Variants in FAF1 observed in about 807,000 individuals in gnomAD.
The protein encoded by FAF1 is Fas associated factor 1, also known as FAS-associated factor 1.
Under a neutral mutation model 92.5 loss-of-function variants are expected in FAF1, and 25 were observed. The ratio of observed to expected loss-of-function variants is 0.27; its 90% CI spans 0.20 to 0.38. FAF1 has a LOEUF of 0.38. FAF1 is among the 10% of genes least tolerant of loss of function. FAF1 has a pLI of 1.00. For missense variants in FAF1, 636 were observed against 793.3 expected, an observed-to-expected ratio of 0.80 and a Z score of 2.38; for synonymous variants, 234 against 273.2, an observed-to-expected ratio of 0.86 and a Z score of 1.42.
At chr1:50,913,677 TTA>T (rs1189442818) in intron 1 of FAF1, among the ~76,000 whole-genome samples, 1 of 152,160 alleles carries the variant, frequency 6.6e-6, no homozygotes, top group East Asian at 1.9e-4. Flanking sequence ...TCTGTACACA[TTA>T]TATTGGGGGA....
At chr1:50,510,128 T>A (rs895374699) in intron 15 of FAF1, among the ~76,000 whole-genome samples, 12 of 146,376 alleles carry the variant, frequency 8.2e-5, no homozygotes, top group African/African-American at 3.1e-4. Flanking sequence ...ATGGCACCAC[T>A]GCACTCTAGC....
chr1:50,731,372 C>CTTTTTTTTTTTTTT (rs369508602), intron 6 of FAF1, among the ~76,000 whole-genome samples: 1 of 140,200 alleles, frequency 7.1e-6, no homozygotes, highest in Non-Finnish European at 1.6e-5. Context: ...TATCTTTTCT[C>CTTTTTTTTTTTTTT]TTTTTTTTTT....
chr1:50,673,122 G>A (rs1231531321), intron 7 of FAF1, among the ~76,000 whole-genome samples: 1 of 152,058 alleles, frequency 6.6e-6, no homozygotes, highest in Non-Finnish European at 1.5e-5. Flanking sequence ...GCCAGGTGTT[G>A]TGGTGCATAC....
intron 8 of FAF1, among the ~76,000 whole-genome samples, chr1:50,632,797 T>C (rs1299616222): frequency 3.9e-5 from 6 of 152,170 alleles, no homozygotes; most frequent in African/African-American, 1.4e-4. Context: ...TCTTCCAGAA[T>C]TAAGATTAAT....
At chr1:50,788,272 T>G in intron 3 of FAF1, 67 bp from the exon 4 acceptor site, 1 of 1,344,488 alleles carries the variant, frequency 7.4e-7, no homozygotes, top group Non-Finnish European at 1.1e-6. Flanking sequence ...CTAGGGACCC[T>G]CTCCATACTT....
At chr1:50,606,325 TA>T (rs1472841906) in intron 8 of FAF1, among the ~76,000 whole-genome samples, 4 of 152,116 alleles carry the variant, frequency 2.6e-5, no homozygotes, top group African/African-American at 7.2e-5. Context: ...ATACCAAAGA[TA>T]TCCAAATGAT....
chr1:50,694,180 G>C (rs1022129690), intron 7 of FAF1, among the ~76,000 whole-genome samples: 8 of 151,860 alleles, frequency 5.3e-5, no homozygotes, highest in Admixed American at 2.6e-4. Flanking sequence ...AACATCTCCC[G>C]ATTCAACAGC....
chr1:50,866,902 C>T lies in FAF1; in HGVS notation c.46-8905G>A, dbSNP rs200541012. Among the ~76,000 whole-genome samples the T allele has an allele frequency of 1.4e-4, 21 of 152,078 alleles. No homozygotes were observed. In the East Asian group the frequency reaches 3.9e-3, roughly 28 times the overall value. ...CCAAAATAAGACTAAACAAAAAGAA[C>T]AAATCTGGAGGCATAACATTACCCA... On this transcript the variant is annotated intron_variant, in intron 1 of 18. Coordinates refer to ENST00000396153, the MANE Select transcript of FAF1 (RefSeq NM_007051.3).
In FAF1 at chr1:50,738,364, A is replaced by T. The variant is rs12097419; in HGVS notation, c.551+499T>A. The stretch of plus-strand genomic sequence containing the variant: ...AGGCTGAGGGAGGGGAATCACTTGA[A>T]TCCGGGAGGCAGAGGTTGCGGTGAG... On this transcript the variant is annotated intron_variant, in intron 6 of 18. Transcript: ENST00000396153. 9.9e-3 allele frequency among the ~76,000 whole-genome samples: 1,488 copies of T among 150,902 alleles called. 22 individuals are homozygous for T. The highest frequency in any genetic ancestry group is 0.034 in the African/African-American group (1,411 of 40,958).
chr1:50,683,631 G>A (rs1656521587), intron 7 of FAF1, among the ~76,000 whole-genome samples: 1 of 151,856 alleles, frequency 6.6e-6, no homozygotes, highest in Admixed American at 6.6e-5. Flanking sequence ...TTTTAATATA[G>A]TAATTTTTTA....
At chr1:50,538,467 G>T (rs1393257600) in intron 14 of FAF1, among the ~76,000 whole-genome samples, 1 of 151,160 alleles carries the variant, frequency 6.6e-6, no homozygotes, top group Non-Finnish European at 1.5e-5. Flanking sequence ...TTTGTGTTAT[G>T]GCTTTGATTC....
In FAF1 at chr1:50,576,634, C is replaced by G. The variant is rs1040465086; in HGVS notation, c.1113+5984G>C. On this transcript the variant is annotated intron_variant, in intron 12 of 18. Transcript: ENST00000396153. ...AAAAAAAAGACTCATCTCCGCACCGCCCCCCCCCCGCCACCACCCCTGCAC... is the reference window on the plus strand; with the variant it reads ...AAAAAAAAGACTCATCTCCGCACCGGCCCCCCCCCGCCACCACCCCTGCAC... Among the ~76,000 whole-genome samples, 5 of 49,436 alleles carry G rather than the reference C, an allele frequency of 1.0e-4. No homozygotes were observed. In the African/African-American group the frequency reaches 1.3e-3, roughly 13 times the overall value. 32.4% of individuals were successfully genotyped at this position (49,436 alleles called of 152,430 possible). A position where few individuals can be genotyped will look rare whatever the true frequency, so the allele number is the denominator to read the frequency against.
At chr1:50,522,724 T>C (rs1326940943) in intron 15 of FAF1, among the ~76,000 whole-genome samples, 2 of 152,172 alleles carry the variant, frequency 1.3e-5, no homozygotes, top group Admixed American at 1.3e-4. Context: ...CACTCAAGAA[T>C]TGAAAACTAT....
chr1:50,452,512 G>C (rs1646306333), intron 18 of FAF1, among the ~76,000 whole-genome samples: 1 of 152,176 alleles, frequency 6.6e-6, no homozygotes, highest in African/African-American at 2.4e-5. Context: ...CTTGAAAAAG[G>C]CTGGGAATCA....
At chr1:50,717,613 A>C (rs1051235023) in intron 6 of FAF1, among the ~76,000 whole-genome samples, 6 of 152,228 alleles carry the variant, frequency 3.9e-5, no homozygotes, top group African/African-American at 1.4e-4. Flanking sequence ...CTTCTAATGT[A>C]CAAATCCAAA....
intron 12 of FAF1, among the ~76,000 whole-genome samples, chr1:50,571,958 A>G (rs1270616297): frequency 6.6e-6 from 1 of 152,168 alleles, no homozygotes; most frequent in African/African-American, 2.4e-5. Flanking sequence ...TGATATGACA[A>G]TTTCTGGGAA....
chr1:50,686,713 T>C (rs1656678710), intron 7 of FAF1, among the ~76,000 whole-genome samples: 1 of 152,126 alleles, frequency 6.6e-6, no homozygotes, highest in Non-Finnish European at 1.5e-5. Context: ...TATCCAACAT[T>C]ACAAAGTCTA....
At chr1:50,481,533 T>C (rs1027777775) in intron 17 of FAF1, among the ~76,000 whole-genome samples, 1 of 152,204 alleles carries the variant, frequency 6.6e-6, no homozygotes, top group African/African-American at 2.4e-5. Context: ...TATAATAGCC[T>C]AGGTGTGTAG....
At chr1:50,454,911 CAG>C (rs1320807050) in intron 18 of FAF1, among the ~76,000 whole-genome samples, 2 of 152,236 alleles carry the variant, frequency 1.3e-5, no homozygotes, top group Non-Finnish European at 2.9e-5. Flanking sequence ...CTGCTGGAAA[CAG>C]TGTAAGTTCA....
Sources: gnomAD v4.1 joint callset for allele counts (sites outside exome capture counted in the v4.1 genomes callset) on GRCh38, gnomAD v4.1.1 for gene constraint, MANE v1.5 for transcripts, NCBI Gene and HGNC (gene_info 2026-07-23, HGNC 2026-07-21) for gene names.